WRNIP1: variants seen among roughly 807,000 people sequenced by gnomAD.
The protein encoded by WRNIP1 is ATPase WRNIP1.
Under a neutral mutation model 56.1 loss-of-function variants are expected in WRNIP1, and 41 were observed. That is an observed-to-expected ratio of 0.73 (90% CI 0.57 to 0.95). The LOEUF is 0.95. Among genes scored for constraint, WRNIP1 ranks in the 40% least tolerant of loss-of-function variants. The probability of loss-of-function intolerance (pLI) is 0.00; values close to 1 mark genes in which losing one functional copy is unlikely to be tolerated. For missense variants in WRNIP1, 1,170 were observed against 939.4 expected (o/e 1.25, Z -3.21); for synonymous variants, 547 against 398.1 (o/e 1.37, Z -4.45).
rs1764965961 is a variant in WRNIP1, at chr6:2,766,172, G to A, written c.550G>A (p.Asp184Asn). Reference protein sequence around the residue: ...GDGDADADGEDDPGHWDADAA... With the variant: ...GDGDADADGENDPGHWDADAA... ...CGGGGACGCGGACGCGGACGGCGAG[G>A]ACGACCCGGGGCACTGGGACGCGGA... The change falls in exon 1 of 7, where the codon GAC becomes AAC. Residue 184 changes from aspartate (D) to asparagine (N), a missense_variant. By Grantham distance (23) the Asp-to-Asn change is conservative. Transcript: ENST00000380773. 1 of 1,345,442 alleles carries A rather than the reference G, an allele frequency of 7.4e-7. No individual in the cohort carries two copies. Among genetic ancestry groups the A allele is most frequent in the Admixed American group, 3.9e-5 (1 of 25,368 alleles). The allele number at this position is 1,345,442 out of a possible 1,614,324, so 83.3% of individuals were successfully genotyped here.
chr6:2,772,958 G>C (rs1409599509), intron 3 of WRNIP1: 2 of 985,174 alleles, frequency 2.0e-6, no homozygotes, highest in African/African-American at 3.5e-5. Flanking sequence ...GTGTGCATTT[G>C]TATTCTTGTG....
At chr6:2,768,982 T>G (rs1468463721) in intron 2 of WRNIP1, 100 bp downstream of exon 2, 4 of 1,222,780 alleles carry the variant, frequency 3.3e-6, no homozygotes, top group Non-Finnish European at 4.5e-6. Flanking sequence ...GAGCTTTGTT[T>G]ACAAAGAAGC....
intron 5 of WRNIP1, 67 bp downstream of exon 5, chr6:2,783,628 T>G: frequency 2.2e-6 from 1 of 454,194 alleles, no homozygotes; most frequent in Non-Finnish European, 2.8e-6. Context: ...AACAGTTACA[T>G]CGTGGCTTTT....
At position 2,765,481 on chromosome 6, in the gene WRNIP1, G is replaced by T; in HGVS notation, c.-142G>T. ...GCTGCGGACGTGAGGCATGAGCGGC[G>T]CCCTCCTCCGGCCCGCGAGCGTCCT... On this transcript the variant is annotated 5_prime_UTR_variant, in exon 1 of 7. Coordinates refer to ENST00000380773, the MANE Select transcript of WRNIP1 (RefSeq NM_020135.3). 9.2e-7 allele frequency: 1 copy of T among 1,087,788 alleles called. No homozygotes were observed. The allele number at this position is 1,087,788 out of a possible 1,614,324, so 67.4% of individuals were successfully genotyped here.
rs1402279644 is a variant in WRNIP1, at chr6:2,785,590, ATTCAG to A, written c.*312_*316del. ...ATTTAAGTCATAATGTCATTTCAGAATTCAGTTCTGTAGGATTTTCTTTTCTTTAA... is the reference window on the plus strand; with the variant it reads ...ATTTAAGTCATAATGTCATTTCAGAATTCTGTAGGATTTTCTTTTCTTTAA... On this transcript the variant is annotated 3_prime_UTR_variant, in exon 7 of 7. Coordinates refer to ENST00000380773, the MANE Select transcript of WRNIP1 (RefSeq NM_020135.3). 2.5e-5 allele frequency: 8 copies of A among 315,456 alleles called. No individual in the cohort carries two copies. Among genetic ancestry groups the A allele is most frequent in the Admixed American group, 9.2e-5 (2 of 21,854 alleles). The allele number at this position is 315,456 out of a possible 1,614,324, so 19.5% of individuals were successfully genotyped here.
In WRNIP1 at chr6:2,784,272, G is replaced by A. The variant is rs1438466137; in HGVS notation, c.1643-52G>A. 2.6e-6 allele frequency: 4 copies of A among 1,566,474 alleles called. No individual in the cohort carries two copies. In the African/African-American group the frequency reaches 4.1e-5, roughly 16 times the overall value. ...CTGTGGTCGCCTGCACATAGGCCAG[G>A]AGGACAGTGTGTGTCATGACTGAAA... is the stretch of plus-strand genomic sequence containing the variant. On this transcript the variant is annotated intron_variant, in intron 5 of 6. Coordinates refer to ENST00000380773, the MANE Select transcript of WRNIP1 (RefSeq NM_020135.3).
chr6:2,770,350 C>T lies in WRNIP1; in HGVS notation c.1245C>T (p.Asn415=). The part of the protein sequence containing the change: ...RPTDPLSHSS[N]SSSEPAMFIE... ...CTGACCCTCTGAGCCACAGCAGCAACAGCAGCTCAGAGTAAGTTGACAGTG... is the reference window on the plus strand; with the variant it reads ...CTGACCCTCTGAGCCACAGCAGCAATAGCAGCTCAGAGTAAGTTGACAGTG... Residue 415 remains asparagine (N), a synonymous_variant, in exon 3 of 7, where the codon AAC becomes AAT. Transcript: ENST00000380773. The T allele has an allele frequency of 6.2e-7, 1 of 1,614,188 alleles. No homozygotes were observed. Among genetic ancestry groups the T allele is most frequent in the Admixed American group, 1.7e-5 (1 of 60,030 alleles).
chr6:2,778,632 T>C (rs1044364513), intron 3 of WRNIP1, among the ~76,000 whole-genome samples: 2 of 152,196 alleles, frequency 1.3e-5, no homozygotes, highest in Admixed American at 6.5e-5. Flanking sequence ...GCATGATTAG[T>C]GTCCACTATG....
At chr6:2,769,040 C>G (rs531934930) in intron 2 of WRNIP1, among the ~76,000 whole-genome samples, 158 bp downstream of exon 2, 5 of 152,268 alleles carry the variant, frequency 3.3e-5, no homozygotes, top group African/African-American at 1.2e-4. Context: ...CCATACATTT[C>G]TTAGTGTTTT....
rs374715630 is a variant in WRNIP1, at chr6:2,766,306, C to T, written c.684C>T (p.Ala228=). The T allele has an allele frequency of 2.8e-5, 45 of 1,609,172 alleles. 1 individual carries two copies. The highest frequency in any genetic ancestry group is 1.5e-4 in the South Asian group (14 of 90,328). ...IRQMLQGKPL[A]DTMRPDTLQD... is the part of the protein sequence containing the mutation. ...AGATGCTACAGGGCAAGCCGCTGGC[C>T]GACACGATGCGTCCTGACACGCTGC... Residue 228 remains alanine, a synonymous_variant, in exon 1 of 7, where the codon GCC becomes GCT. Coordinates refer to ENST00000380773, the MANE Select transcript of WRNIP1 (RefSeq NM_020135.3).
At chr6:2,766,719 C>G (rs1265788909) in intron 1 of WRNIP1, among the ~76,000 whole-genome samples, 1 of 152,198 alleles carries the variant, frequency 6.6e-6, no homozygotes, top group Non-Finnish European at 1.5e-5. Context: ...GATGTGGACT[C>G]TTAGATTTGA....
At chr6:2,775,056 G>A (rs1765400586) in intron 3 of WRNIP1, among the ~76,000 whole-genome samples, 2 of 152,170 alleles carry the variant, frequency 1.3e-5, no homozygotes, top group South Asian at 4.1e-4. Flanking sequence ...TGAGGAAACT[G>A]AGGCACAAAA....
intron 5 of WRNIP1, among the ~76,000 whole-genome samples, 193 bp downstream of exon 5, chr6:2,783,754 C>T (rs1210555739): frequency 1.4e-5 from 2 of 145,324 alleles, no homozygotes; most frequent in Non-Finnish European, 3.0e-5. Flanking sequence ...TCGTTTATTT[C>T]CTGGTGTATG....
In WRNIP1 at chr6:2,773,846, C is replaced by T. The variant is rs1457241490; in HGVS notation, c.1256+3485C>T. ...AAGAGAGTGAAATGAGAAGCCATAA[C>T]TGCCCTCTGCCTAGCTAGGCTGAGT... On this transcript the variant is annotated intron_variant, in intron 3 of 6. Transcript: ENST00000380773. The T allele has an allele frequency of 4.1e-6, 4 of 985,008 alleles. No homozygotes were observed. In the East Asian group the frequency reaches 3.4e-4, roughly 84 times the overall value. The allele number at this position is 985,008 out of a possible 1,614,324, so 61.0% of individuals were successfully genotyped here.
intron 5 of WRNIP1, 42 bp from the exon 6 acceptor site, chr6:2,784,282 T>C: frequency 1.3e-6 from 2 of 1,590,136 alleles, no homozygotes; most frequent in Non-Finnish European, 1.7e-6. Context: ...GAGGACAGTG[T>C]GTGTCATGAC....
chr6:2,779,565 G>C, intron 4 of WRNIP1, 73 bp downstream of exon 4: 3 of 1,465,602 alleles, frequency 2.0e-6, no homozygotes, highest in Non-Finnish European at 2.8e-6. Context: ...ATTTCCGGAA[G>C]CCTGACTGGG....
chr6:2,773,036 G>C (rs1331398696), intron 3 of WRNIP1: 1 of 985,300 alleles, frequency 1.0e-6, no homozygotes, highest in African/African-American at 1.7e-5. Context: ...TGAACTGCAC[G>C]TGAGAGGAGG....
intron 4 of WRNIP1, among the ~76,000 whole-genome samples, chr6:2,782,581 C>T (rs529451935): frequency 4.1e-4 from 63 of 152,336 alleles, no homozygotes; most frequent in African/African-American, 1.3e-3. Flanking sequence ...CACCATCCTC[C>T]GCTTTCTCGT....
chr6:2,768,596 G>C (rs1376282706), intron 1 of WRNIP1, 95 bp from the exon 2 acceptor site: 5 of 1,091,798 alleles, frequency 4.6e-6, no homozygotes, highest in Admixed American at 3.1e-5. Flanking sequence ...AGTTGCTTTT[G>C]GTAAATAGTG....
Sources: allele counts gnomAD v4.1 joint callset (sites outside exome capture counted in the v4.1 genomes callset), GRCh38; gene constraint gnomAD v4.1.1; transcripts MANE v1.5; gene names NCBI Gene and HGNC (gene_info 2026-07-23, HGNC 2026-07-21).